The following LHFPL3 variants were observed in gnomAD, a reference collection of about 807,000 sequenced individuals.
LHFPL3 encodes the protein LHFPL tetraspan subfamily member 3.
Under a neutral mutation model 19.3 loss-of-function variants are expected in LHFPL3, and 5 were observed. That is an observed-to-expected ratio of 0.26 (90% CI 0.14 to 0.54). The LOEUF (loss-of-function observed/expected upper bound fraction) is 0.54. Among genes scored for constraint, LHFPL3 ranks in the 20% least tolerant of loss-of-function variants. The pLI, the probability that LHFPL3 is intolerant of heterozygous loss-of-function variation, is 0.94. For missense variants in LHFPL3, 249 were observed against 307.4 expected, an observed-to-expected ratio of 0.81 and a Z score of 1.42; for synonymous variants, 133 against 126.2, an observed-to-expected ratio of 1.05 and a Z score of -0.36.
intron 1 of LHFPL3, among the ~76,000 whole-genome samples, chr7:104,357,967 C>T (rs1024932976): frequency 6.6e-6 from 1 of 152,140 alleles, no homozygotes; most frequent in African/African-American, 2.4e-5. Flanking sequence ...AATGGACAAT[C>T]ACAAATCCCA....
At chr7:104,493,392 A>T (rs1435707619) in intron 1 of LHFPL3, among the ~76,000 whole-genome samples, 1 of 151,646 alleles carries the variant, frequency 6.6e-6, no homozygotes, top group Non-Finnish European at 1.5e-5. Context: ...ATCTAGTATC[A>T]GAGTTTCATT....
intron 1 of LHFPL3, among the ~76,000 whole-genome samples, chr7:104,447,979 T>C (rs1223068918): frequency 6.6e-6 from 1 of 152,148 alleles, no homozygotes; most frequent in Non-Finnish European, 1.5e-5. Flanking sequence ...TTTTTTAAAT[T>C]TACTTTTTCT....
intron 1 of LHFPL3, among the ~76,000 whole-genome samples, chr7:104,589,492 T>C (rs965094918): frequency 6.6e-6 from 1 of 152,234 alleles, no homozygotes; most frequent in Non-Finnish European, 1.5e-5. Flanking sequence ...AGCTTTTTGA[T>C]GTGCTGCTGG....
chr7:104,515,518 T>C (rs1793904328), intron 1 of LHFPL3, among the ~76,000 whole-genome samples: 1 of 152,146 alleles, frequency 6.6e-6, no homozygotes, highest in South Asian at 2.1e-4. Context: ...GCTCTAGCAG[T>C]GAAAAGCCAG....
intron 1 of LHFPL3, among the ~76,000 whole-genome samples, chr7:104,551,169 AC>A (rs1794657161): frequency 1.3e-5 from 2 of 152,204 alleles, no homozygotes; most frequent in Admixed American, 1.3e-4. Context: ...TTATAAAAAA[AC>A]AACTATTAAG....
intron 1 of LHFPL3, among the ~76,000 whole-genome samples, chr7:104,614,688 T>C (rs201624092): frequency 0.28 from 16,398 of 58,418 alleles, 1,850 homozygotes; most frequent in Non-Finnish European, 0.3. Context: ...TCCTTCTTTC[T>C]TTCTTTCTTT....
At chr7:104,749,856 C>G (rs984701516) in intron 2 of LHFPL3, among the ~76,000 whole-genome samples, 69 of 152,266 alleles carry the variant, frequency 4.5e-4, no homozygotes, top group Admixed American at 3.3e-3. Flanking sequence ...TTAGGAGGCT[C>G]TACAGTGGCC....
At chr7:104,876,795 T>C (rs935922141) in intron 2 of LHFPL3, among the ~76,000 whole-genome samples, 9 of 152,232 alleles carry the variant, frequency 5.9e-5, no homozygotes, top group African/African-American at 2.2e-4. Flanking sequence ...CAAAGGATTA[T>C]AAATCATGCT....
At chr7:104,354,501 G>A (rs1199501903) in intron 1 of LHFPL3, among the ~76,000 whole-genome samples, 1 of 152,178 alleles carries the variant, frequency 6.6e-6, no homozygotes, top group Non-Finnish European at 1.5e-5. Context: ...TGGCAGTGCC[G>A]AGCAGTCTTG....
chr7:104,404,132 T>C (rs1455249211), intron 1 of LHFPL3, among the ~76,000 whole-genome samples: 6 of 152,178 alleles, frequency 3.9e-5, no homozygotes, highest in Non-Finnish European at 7.3e-5. Flanking sequence ...TGCTAACCCC[T>C]GCTCTAGAGA....
chr7:104,691,961 T>C (rs1457348645), intron 1 of LHFPL3, among the ~76,000 whole-genome samples: 1 of 152,240 alleles, frequency 6.6e-6, no homozygotes, highest in African/African-American at 2.4e-5. Flanking sequence ...TGATGTGATC[T>C]CAGAATGAGA....
chr7:104,401,258 G>A (rs950091039), intron 1 of LHFPL3, among the ~76,000 whole-genome samples: 4 of 152,178 alleles, frequency 2.6e-5, no homozygotes, highest in African/African-American at 9.7e-5. Context: ...TAGTGTATAA[G>A]GCTCCATGAG....
At chr7:104,790,883 A>C (rs1790011516) in intron 2 of LHFPL3, among the ~76,000 whole-genome samples, 1 of 152,250 alleles carries the variant, frequency 6.6e-6, no homozygotes, top group Admixed American at 6.5e-5. Context: ...CAGGACAAGC[A>C]AAAGTCATCT....
intron 1 of LHFPL3, among the ~76,000 whole-genome samples, chr7:104,612,562 G>C (rs1172101568): frequency 6.6e-6 from 1 of 152,164 alleles, no homozygotes; most frequent in Admixed American, 6.6e-5. Flanking sequence ...GCTGCTAGTA[G>C]TTATACAAGT....
chr7:104,496,793 CA>C (rs765078565), intron 1 of LHFPL3, among the ~76,000 whole-genome samples: 2 of 152,136 alleles, frequency 1.3e-5, no homozygotes, highest in Non-Finnish European at 2.9e-5. Flanking sequence ...TCATCACTAC[CA>C]GATGTTAGGA....
intron 1 of LHFPL3, among the ~76,000 whole-genome samples, chr7:104,672,623 G>A (rs1792507270): frequency 6.6e-6 from 1 of 152,174 alleles, no homozygotes; most frequent in South Asian, 2.1e-4. Flanking sequence ...ACACTTAGCG[G>A]GGACTGACAT....
At chr7:104,704,659 A>G (rs1012440943) in intron 1 of LHFPL3, among the ~76,000 whole-genome samples, 2 of 147,134 alleles carry the variant, frequency 1.4e-5, no homozygotes, top group African/African-American at 5.1e-5. Flanking sequence ...TTTTTTTGAC[A>G]GGGTCTCACT....
At chr7:104,595,476 C>A (rs988984501) in intron 1 of LHFPL3, among the ~76,000 whole-genome samples, 13 of 152,352 alleles carry the variant, frequency 8.5e-5, no homozygotes, top group African/African-American at 3.1e-4. Context: ...TGTCTGTCGG[C>A]CCCTACTTTG....
At chr7:104,736,138 A>G (rs1793811448) in intron 1 of LHFPL3, among the ~76,000 whole-genome samples, 1 of 152,190 alleles carries the variant, frequency 6.6e-6, no homozygotes, top group Admixed American at 6.5e-5. Context: ...AAGAAAAGGA[A>G]GGAGAAAAAA....
Sources: gnomAD v4.1 joint callset for allele counts (sites outside exome capture counted in the v4.1 genomes callset) on GRCh38, gnomAD v4.1.1 for gene constraint, MANE v1.5 for transcripts, NCBI Gene and HGNC (gene_info 2026-07-23, HGNC 2026-07-21) for gene names.